The following COL4A5 variants were observed in gnomAD, a reference collection of about 807,000 sequenced individuals.
COL4A5 encodes collagen type IV alpha 5 chain.
A neutral mutation model predicts 130.2 loss-of-function variants in COL4A5; 26 were observed. The ratio of observed to expected loss-of-function variants is 0.20; its 90% CI spans 0.15 to 0.28. The LOEUF (loss-of-function observed/expected upper bound fraction) is 0.28. Ranked by LOEUF, COL4A5 falls within the 10% of genes least tolerant of loss-of-function variation. The pLI is 1.00. For synonymous variants in COL4A5, 496 were observed against 439.6 expected, an observed-to-expected ratio of 1.13 and a Z score of -1.60; for missense variants, 1,131 against 1,344.3, an observed-to-expected ratio of 0.84 and a Z score of 2.48.
At chrX:108,598,457 G>T (rs752044253) in intron 24 of COL4A5, among the ~76,000 whole-genome samples, 1 of 111,942 alleles carries the variant, frequency 8.9e-6, no homozygotes, top group Admixed American at 9.4e-5. Context: ...TAAAGTCAGA[G>T]ATTTTTGTGT....
intron 1 of COL4A5, among the ~76,000 whole-genome samples, chrX:108,522,493 AT>A (rs1160530935): frequency 3.0e-5 from 3 of 100,756 alleles, no homozygotes; most frequent in Non-Finnish European, 6.0e-5. Flanking sequence ...GTGAAGTGGT[AT>A]TTCATTGTGG....
Position 108,440,134 on chromosome X carries a change from G to A in COL4A5, c.9G>A (p.Leu3=), listed in dbSNP as rs763257714. 2.5e-6 allele frequency: 3 copies of A among 1,208,323 alleles called. No individual in the cohort carries two copies. Among genetic ancestry groups the A allele is most frequent in the Non-Finnish European group, 1.1e-6 (1 of 893,658 alleles). ...GCGGGAGCCGGAGAAGAATGAAACTGCGTGGAGTCAGCCTGGCTGCCGGCT... is the reference window on the plus strand; with the variant it reads ...GCGGGAGCCGGAGAAGAATGAAACTACGTGGAGTCAGCCTGGCTGCCGGCT... MK[L]RGVSLAAGLF... The change falls in exon 1 of 53, where the codon CTG becomes CTA. Residue 3 remains leucine, a synonymous_variant. Transcript: ENST00000328300.
At chrX:108,666,676 A>T (rs1603310451) in intron 39 of COL4A5, 82 bp downstream of exon 39, 4 of 800,899 alleles carry the variant, frequency 5.0e-6, no homozygotes, top group Non-Finnish European at 1.8e-6. Context: ...CCACAGTGAA[A>T]TTGTATCTTC....
At chrX:108,521,716 C>G (rs1455010015) in intron 1 of COL4A5, among the ~76,000 whole-genome samples, 1 of 111,633 alleles carries the variant, frequency 9.0e-6, no homozygotes, top group Non-Finnish European at 1.9e-5. Flanking sequence ...AACTTGTTAA[C>G]TTTCAAGCAT....
At chrX:108,504,491 A>T (rs2065107215) in intron 1 of COL4A5, among the ~76,000 whole-genome samples, 1 of 112,361 alleles carries the variant, frequency 8.9e-6, no homozygotes, top group Non-Finnish European at 1.9e-5. Flanking sequence ...TGCATCTGAT[A>T]AAAGACTAAT....
chrX:108,482,533 GTTTACAA>G (rs2147528984), intron 1 of COL4A5, among the ~76,000 whole-genome samples: 1 of 111,171 alleles, frequency 9.0e-6, no homozygotes, highest in African/African-American at 3.3e-5. Flanking sequence ...GTTCATCAGA[GTTTACAA>G]ACTCAGTGTC....
chrX:108,646,583 A>C (rs1252670512), intron 36 of COL4A5, among the ~76,000 whole-genome samples: 1 of 111,266 alleles, frequency 9.0e-6, no homozygotes, highest in Non-Finnish European at 1.9e-5. Flanking sequence ...TCTGTAGTTT[A>C]ATTAGATCCC....
intron 50 of COL4A5, 96 bp from the exon 51 acceptor site, chrX:108,694,711 C>A (rs1379365148): frequency 1.4e-5 from 9 of 638,531 alleles, no homozygotes; most frequent in African/African-American, 2.2e-5. Flanking sequence ...AGACATTAAT[C>A]GGCTTCCATA....
At chrX:108,518,922 C>T (rs935261157) in intron 1 of COL4A5, among the ~76,000 whole-genome samples, 1 of 111,344 alleles carries the variant, frequency 9.0e-6, no homozygotes, top group Non-Finnish European at 1.9e-5. Context: ...AATATCTTGG[C>T]TTTTGCTCAA....
chrX:108,575,314 G>A (rs1375403928), intron 9 of COL4A5, among the ~76,000 whole-genome samples: 1 of 111,080 alleles, frequency 9.0e-6, no homozygotes, highest in African/African-American at 3.3e-5. Flanking sequence ...CTTCTCATTG[G>A]TAGCATAAAA....
Position 108,481,507 on chromosome X carries a change from T to C in COL4A5, c.81+41301T>C, listed in dbSNP as rs12396174. Among the ~76,000 whole-genome samples, 458 of 111,944 alleles carry C rather than the reference T, an allele frequency of 4.1e-3. 3 individuals carry two copies. The highest frequency in any genetic ancestry group is 0.013 in the African/African-American group (412 of 30,760). The stretch of plus-strand genomic sequence containing the variant: ...GTCTATTCAACCTAGAAGTTTTCTC[T>C]GTATAATTTAAGTAGGAATGAAGTA... On this transcript the variant is annotated intron_variant, in intron 1 of 52. Transcript: ENST00000328300.
chrX:108,591,350 C>A, intron 20 of COL4A5, 119 bp downstream of exon 20: 1 of 749,414 alleles, frequency 1.3e-6, no homozygotes, highest in Non-Finnish European at 2.0e-6. Context: ...GAAATTCTAC[C>A]ACTGCTTCTG....
chrX:108,595,337 A>G (rs749721575), intron 21 of COL4A5, among the ~76,000 whole-genome samples, 172 bp from the exon 22 acceptor site: 1 of 112,425 alleles, frequency 8.9e-6, no homozygotes, highest in African/African-American at 3.2e-5. Context: ...TTCTTGGCAC[A>G]CAGTAAGCAC....
intron 2 of COL4A5, among the ~76,000 whole-genome samples, chrX:108,558,570 T>C (rs2065860965): frequency 8.9e-6 from 1 of 112,056 alleles, no homozygotes; most frequent in Admixed American, 9.5e-5. Flanking sequence ...CTTTATACTT[T>C]TGTTTTCTAC....
chrX:108,624,161 T>A (rs1001075557), intron 33 of COL4A5, 75 bp from the exon 34 acceptor site: 29 of 782,875 alleles, frequency 3.7e-5, no homozygotes, highest in Non-Finnish European at 5.0e-5. Context: ...AACACTTGAG[T>A]AGCTTGCTTT....
Position 108,638,261 on chromosome X carries a change from T to C in COL4A5, c.3246+11912T>C, listed in dbSNP as rs371632763. Among the ~76,000 whole-genome samples, 4 of 111,308 alleles carry C rather than the reference T, an allele frequency of 3.6e-5. No individual in the cohort carries two copies. In the East Asian group the frequency reaches 1.1e-3, roughly 31 times the overall value. On this transcript the variant is annotated intron_variant, in intron 36 of 52. Coordinates refer to ENST00000328300, the MANE Select transcript of COL4A5 (RefSeq NM_033380.3). ...ATTTTTTCCTGGGATGCAAGGATAG[T>C]TCAGCATACAAAAATCATTAGTGTA...
intron 37 of COL4A5, among the ~76,000 whole-genome samples, chrX:108,664,905 T>G (rs2068044565): frequency 8.9e-6 from 1 of 112,221 alleles, no homozygotes; most frequent in Non-Finnish European, 1.9e-5. Context: ...CAGCAACTGA[T>G]ATCATCACAA....
At chrX:108,568,936 C>T (rs2066016934) in intron 6 of COL4A5, 115 bp downstream of exon 6, 1 of 613,439 alleles carries the variant, frequency 1.6e-6, no homozygotes, top group Non-Finnish European at 2.7e-6. Context: ...CAGGTCTTGG[C>T]TATTACATAA....
intron 32 of COL4A5, among the ~76,000 whole-genome samples, chrX:108,622,468 G>A (rs138505557): frequency 1.1e-3 from 122 of 111,956 alleles, no homozygotes; most frequent in African/African-American, 3.4e-3. Context: ...GGCCTCTATC[G>A]TTGTCAAGGA....
Sources: allele counts gnomAD v4.1 joint callset (sites outside exome capture counted in the v4.1 genomes callset), GRCh38; gene constraint gnomAD v4.1.1; transcripts MANE v1.5; gene names NCBI Gene and HGNC (gene_info 2026-07-23, HGNC 2026-07-21).